AHRR: variants seen among roughly 807,000 people sequenced by gnomAD.
AHRR encodes ahR repressor.
A neutral mutation model predicts 44.0 loss-of-function variants in AHRR; 28 were observed. That is an observed-to-expected ratio of 0.64 (90% CI 0.47 to 0.87). The LOEUF is 0.87. Ranked by LOEUF, AHRR falls within the 40% of genes least tolerant of loss-of-function variation. AHRR has a pLI of 0.00. For missense variants in AHRR, 990 were observed against 953.9 expected, an observed-to-expected ratio of 1.04 and a Z score of -0.50; for synonymous variants, 434 against 407.0, an observed-to-expected ratio of 1.07 and a Z score of -0.80.
intron 3 of AHRR, among the ~76,000 whole-genome samples, chr5:368,399 T>C (rs1743446860): frequency 6.6e-6 from 1 of 152,244 alleles, no homozygotes; most frequent in Non-Finnish European, 1.5e-5. Context: ...CGCACGCTGA[T>C]TCACTGAATA....
chr5:422,435 G>A (rs1188739336), intron 5 of AHRR: 8 of 433,268 alleles, frequency 1.8e-5, no homozygotes, highest in South Asian at 4.2e-5. Context: ...TGGCCCCAGA[G>A]TGTCTGCGGC....
At chr5:330,277 G>A (rs1741862219) in intron 1 of AHRR, among the ~76,000 whole-genome samples, 1 of 152,092 alleles carries the variant, frequency 6.6e-6, no homozygotes, top group Admixed American at 6.5e-5. Context: ...TTATTAATTT[G>A]CATATGTTGA....
At chr5:322,493 G>C (rs541834995) in intron 1 of AHRR, 1 of 152,182 alleles carries the variant, frequency 6.6e-6, no homozygotes, top group African/African-American at 2.4e-5. Context: ...AAGGGCAGGC[G>C]GGGAGGGGCT....
chr5:352,395 T>C (rs925819885), intron 2 of AHRR, among the ~76,000 whole-genome samples: 3 of 146,572 alleles, frequency 2.0e-5, no homozygotes, highest in African/African-American at 5.1e-5. Context: ...CTGTAGGGGA[T>C]GGTCACTCTG....
At chr5:343,805 A>T in intron 1 of AHRR, 88 bp from the exon 2 acceptor site, 1 of 1,400,890 alleles carries the variant, frequency 7.1e-7, no homozygotes, top group Non-Finnish European at 9.6e-7. Flanking sequence ...TGGGGGCGCC[A>T]GGACCGCGCT....
chr5:367,884 G>A (rs554264595), intron 3 of AHRR: 2 of 702,578 alleles, frequency 2.8e-6, no homozygotes, highest in African/African-American at 1.7e-5. Flanking sequence ...CGTTCAGGAG[G>A]CCCCGAGCAT....
intron 8 of AHRR, among the ~76,000 whole-genome samples, chr5:429,749 C>A (rs1408888360): frequency 6.6e-6 from 1 of 152,238 alleles, no homozygotes; most frequent in Non-Finnish European, 1.5e-5. Context: ...AGCTCCCCAG[C>A]CAGCCCAGTG....
chr5:397,265 T>C (rs375762878), intron 4 of AHRR, among the ~76,000 whole-genome samples: 124 of 64,782 alleles, frequency 1.9e-3, no homozygotes, highest in African/African-American at 6.5e-3. Flanking sequence ...TCCACGTAGC[T>C]CCTGACCGTC....
intron 4 of AHRR, among the ~76,000 whole-genome samples, chr5:407,175 A>G (rs1359601800): frequency 6.6e-6 from 1 of 152,122 alleles, no homozygotes; most frequent in African/African-American, 2.4e-5. Flanking sequence ...ATTTATTTTC[A>G]TATTTAGTAT....
chr5:354,377 G>A (rs576280181), intron 3 of AHRR, among the ~76,000 whole-genome samples: 2 of 152,198 alleles, frequency 1.3e-5, no homozygotes, highest in South Asian at 2.1e-4. Context: ...GGACCCGGGG[G>A]CTGCCCTGGG....
chr5:421,948 C>T (rs1412950788), intron 5 of AHRR, among the ~76,000 whole-genome samples: 1 of 152,204 alleles, frequency 6.6e-6, no homozygotes, highest in Non-Finnish European at 1.5e-5. Context: ...AGAATTAGGT[C>T]ACCCAGAAAG....
chr5:343,547 C>T (rs868200460), intron 1 of AHRR: 1 of 318,644 alleles, frequency 3.1e-6, no homozygotes, highest in Middle Eastern at 9.2e-4. Context: ...CGCCCCGCCC[C>T]GCCCGTTCCT....
At chr5:412,926 A>AG (rs1489403675) in intron 4 of AHRR, among the ~76,000 whole-genome samples, 1 of 152,054 alleles carries the variant, frequency 6.6e-6, no homozygotes, top group Non-Finnish European at 1.5e-5. Context: ...TCACCATGTT[A>AG]GCCAGGCTGG....
intron 4 of AHRR, among the ~76,000 whole-genome samples, chr5:390,316 A>G (rs927796498): frequency 2.0e-5 from 3 of 152,164 alleles, no homozygotes; most frequent in Non-Finnish European, 2.9e-5. Context: ...ATAAATATAT[A>G]CACCTACTGT....
At chr5:352,635 A>G (rs1742896659) in intron 2 of AHRR, among the ~76,000 whole-genome samples, 1 of 141,172 alleles carries the variant, frequency 7.1e-6, no homozygotes, top group Admixed American at 7.0e-5. Flanking sequence ...CTGAGGTTAA[A>G]TAGGTCAGCT....
At chr5:415,829 G>A (rs1258372505) in intron 5 of AHRR, among the ~76,000 whole-genome samples, 1 of 152,190 alleles carries the variant, frequency 6.6e-6, no homozygotes, top group Non-Finnish European at 1.5e-5. Flanking sequence ...AGGCCCTGAG[G>A]CTGCACAGTT....
chr5:420,435 C>G (rs1736022578), intron 5 of AHRR, among the ~76,000 whole-genome samples: 1 of 152,202 alleles, frequency 6.6e-6, no homozygotes, highest in African/African-American at 2.4e-5. Context: ...CACTGCTCAC[C>G]AAACACTAGC....
At chr5:322,173 G>A (rs1243327620) in intron 1 of AHRR, among the ~76,000 whole-genome samples, 1 of 152,148 alleles carries the variant, frequency 6.6e-6, no homozygotes, top group Non-Finnish European at 1.5e-5. Flanking sequence ...CCGCTGTCGG[G>A]CCGAGGGCGC....
chr5:413,480 T>C, intron 5 of AHRR, 47 bp downstream of exon 5: 1 of 1,324,582 alleles, frequency 7.5e-7, no homozygotes, highest in Non-Finnish European at 1.1e-6. Flanking sequence ...TGCTATGTTG[T>C]CTTCCCTTTG....
Sources: allele counts gnomAD v4.1 joint callset (sites outside exome capture counted in the v4.1 genomes callset), GRCh38; gene constraint gnomAD v4.1.1; transcripts MANE v1.5; gene names NCBI Gene and HGNC (gene_info 2026-07-23, HGNC 2026-07-21).